The following NMT2 variants were observed in gnomAD, a reference collection of about 807,000 sequenced individuals.
NMT2 encodes the protein N-myristoyltransferase 2, also known as glycylpeptide N-tetradecanoyltransferase 2.
Under a neutral mutation model 65.4 loss-of-function variants are expected in NMT2, and 35 were observed. The ratio of observed to expected loss-of-function variants is 0.54; its 90% confidence interval spans 0.41 to 0.71. NMT2 has a LOEUF of 0.71. Among genes scored for constraint, NMT2 ranks in the 30% least tolerant of loss-of-function variants. NMT2 has a pLI of 0.00. For missense variants in NMT2, 489 were observed against 611.3 expected, an observed-to-expected ratio of 0.80 and a Z score of 2.11; for synonymous variants, 226 against 231.8, an observed-to-expected ratio of 0.98 and a Z score of 0.23.
chr10:15,168,363 G>T, intron 1 of NMT2, 140 bp downstream of exon 1: 2 of 591,304 alleles, frequency 3.4e-6, no homozygotes, highest in Admixed American at 3.1e-5. Flanking sequence ...ACCTCACCAT[G>T]GGCTCCGCGC....
At chr10:15,166,748 A>T (rs1358833807) in intron 1 of NMT2, among the ~76,000 whole-genome samples, 1 of 152,228 alleles carries the variant, frequency 6.6e-6, no homozygotes. Flanking sequence ...GTGCTGATAT[A>T]CAAAACTGAA....
At chr10:15,164,144 C>T (rs1214585315) in intron 1 of NMT2, among the ~76,000 whole-genome samples, 1 of 141,390 alleles carries the variant, frequency 7.1e-6, no homozygotes, top group Admixed American at 7.5e-5. Context: ...GATCGCGCCA[C>T]TGCACTTCAG....
chr10:15,159,024 G>A (rs988149735), intron 1 of NMT2, among the ~76,000 whole-genome samples: 1 of 152,196 alleles, frequency 6.6e-6, no homozygotes, highest in Non-Finnish European at 1.5e-5. Context: ...TGCCAGCATT[G>A]TTCACTATGT....
chr10:15,144,215 T>C (rs1846877925), intron 1 of NMT2, among the ~76,000 whole-genome samples: 1 of 152,126 alleles, frequency 6.6e-6, no homozygotes, highest in African/African-American at 2.4e-5. Flanking sequence ...CAACTTTAAA[T>C]TGACAGGGAG....
chr10:15,128,498 A>G, intron 7 of NMT2, 40 bp from the exon 8 acceptor site: 2 of 1,257,464 alleles, frequency 1.6e-6, no homozygotes, highest in African/African-American at 3.0e-5. Context: ...ATTGATTTCT[A>G]ACTCTACAAG....
rs1488885568 is a variant in NMT2 at position 15,163,276 on chromosome 10, ACAAT to A, written c.110+5223_110+5226del. On this transcript the variant is annotated intron_variant, in intron 1 of 11. Coordinates refer to ENST00000378165, the MANE Select transcript of NMT2 (RefSeq NM_004808.3). Reference sequence around the variant, plus strand: ...CATTAACATGTTTTCAAAGAAAACAACAATCAATTTCTTGAACTTGGAGTAGAAC... The same window carrying A: ...CATTAACATGTTTTCAAAGAAAACAACAATTTCTTGAACTTGGAGTAGAAC... Among the ~76,000 whole-genome samples, 30 of 152,360 alleles carry A rather than the reference ACAAT, an allele frequency of 2.0e-4. No homozygotes were observed. In the East Asian group the frequency reaches 5.2e-3, roughly 26 times the overall value.
intron 1 of NMT2, among the ~76,000 whole-genome samples, chr10:15,159,756 G>A (rs1237670659): frequency 6.6e-6 from 1 of 152,132 alleles, no homozygotes; most frequent in Non-Finnish European, 1.5e-5. Context: ...TAGCTGGTTG[G>A]TAGATGCTAC....
chr10:15,117,541 G>A (rs1456150179), intron 9 of NMT2, among the ~76,000 whole-genome samples: 1 of 152,106 alleles, frequency 6.6e-6, no homozygotes. Context: ...GAAGATCTAG[G>A]TCCTGCATTA....
At chr10:15,168,341 C>T (rs1258635227) in intron 1 of NMT2, 162 bp downstream of exon 1, 6 of 591,336 alleles carry the variant, frequency 1.0e-5, no homozygotes, top group East Asian at 3.6e-5. Context: ...TCCCGCGAGC[C>T]GCGCGCCCCG....
chr10:15,139,491 A>G (rs568807935), intron 2 of NMT2, among the ~76,000 whole-genome samples: 2 of 152,114 alleles, frequency 1.3e-5, no homozygotes, highest in African/African-American at 4.8e-5. Flanking sequence ...GCAACAGGAG[A>G]TGTCCACGCT....
intron 1 of NMT2, among the ~76,000 whole-genome samples, chr10:15,153,120 C>T (rs759207433): frequency 3.3e-5 from 5 of 151,940 alleles, no homozygotes; most frequent in African/African-American, 4.8e-5. Flanking sequence ...GTGGAAAGGA[C>T]CCACACACCG....
intron 2 of NMT2, among the ~76,000 whole-genome samples, chr10:15,136,303 GGAGA>G: frequency 6.8e-6 from 1 of 146,660 alleles, no homozygotes; most frequent in East Asian, 2.0e-4. Flanking sequence ...AGAGAGAGAA[GGAGA>G]GAGAAAGAGA....
chr10:15,125,577 C>A (rs1411548279), intron 8 of NMT2, among the ~76,000 whole-genome samples: 1 of 152,058 alleles, frequency 6.6e-6, no homozygotes, highest in Non-Finnish European at 1.5e-5. Context: ...TTGGAGAGAC[C>A]AAAGTGGAAC....
chr10:15,151,935 A>T (rs942403230), intron 1 of NMT2, among the ~76,000 whole-genome samples: 5 of 152,210 alleles, frequency 3.3e-5, no homozygotes, highest in Non-Finnish European at 7.3e-5. Context: ...CTGAGGCAGG[A>T]GAACTACTTG....
intron 1 of NMT2, among the ~76,000 whole-genome samples, chr10:15,163,757 G>C (rs1348108335): frequency 6.6e-6 from 1 of 152,156 alleles, no homozygotes; most frequent in Non-Finnish European, 1.5e-5. Flanking sequence ...GCCCAAAGAA[G>C]AACTTCCTTT....
At chr10:15,159,580 A>G (rs1833117247) in intron 1 of NMT2, among the ~76,000 whole-genome samples, 1 of 152,114 alleles carries the variant, frequency 6.6e-6, no homozygotes, top group Non-Finnish European at 1.5e-5. Context: ...GGTGCCCGCC[A>G]TCGTGCCAGA....
intron 1 of NMT2, among the ~76,000 whole-genome samples, chr10:15,160,168 T>C (rs1833139790): frequency 6.6e-6 from 1 of 152,136 alleles, no homozygotes; most frequent in African/African-American, 2.4e-5. Context: ...TCAAAGTTGT[T>C]TTCTGCGCTA....
At chr10:15,163,811 T>C (rs1833281882) in intron 1 of NMT2, among the ~76,000 whole-genome samples, 1 of 152,244 alleles carries the variant, frequency 6.6e-6, no homozygotes, top group Non-Finnish European at 1.5e-5. Flanking sequence ...GATTATGTTC[T>C]TTGTTAAAAG....
chr10:15,108,222 C>CT lies in NMT2; in HGVS notation c.*972dup, dbSNP rs1845376232. 33 of 973,446 alleles carry CT rather than the reference C, an allele frequency of 3.4e-5. No individual in the cohort carries two copies. Among genetic ancestry groups the CT allele is most frequent in the Non-Finnish European group, 3.9e-5 (32 of 821,458 alleles). 60.3% of individuals were successfully genotyped at this position (973,446 alleles called of 1,614,324 possible). Reference sequence around the variant, plus strand: ...TTTTTTTGAGACGGAGTCTCACGCTCTGTCACCCAGGCTGGAGTGCAGTGG... The same window carrying CT: ...TTTTTTTGAGACGGAGTCTCACGCTCTTGTCACCCAGGCTGGAGTGCAGTGG... On this transcript the variant is annotated 3_prime_UTR_variant, in exon 12 of 12. Transcript: ENST00000378165.
Sources: gnomAD v4.1 joint callset for allele counts (sites outside exome capture counted in the v4.1 genomes callset) on GRCh38, gnomAD v4.1.1 for gene constraint, MANE v1.5 for transcripts, NCBI Gene and HGNC (gene_info 2026-07-23, HGNC 2026-07-21) for gene names.